KIAA1328: variants seen among roughly 807,000 people sequenced by gnomAD.
The protein encoded by KIAA1328 is KIAA1328, also known as protein hinderin.
KIAA1328 carries 52 observed loss-of-function variants against 68.1 expected under a neutral mutation model. The ratio of observed to expected loss-of-function variants is 0.76; its 90% CI spans 0.61 to 0.96. The LOEUF (loss-of-function observed/expected upper bound fraction) is 0.96, where lower values mean the gene tolerates loss of function less well. KIAA1328 is among the 40% of genes least tolerant of loss of function. The pLI is 0.00. For synonymous variants in KIAA1328, 232 were observed against 239.4 expected, an observed-to-expected ratio of 0.97 and a Z score of 0.28; for missense variants, 641 against 677.6, an observed-to-expected ratio of 0.95 and a Z score of 0.60.
intron 7 of KIAA1328, among the ~76,000 whole-genome samples, chr18:37,152,384 C>T (rs886586633): frequency 1.3e-5 from 2 of 152,076 alleles, no homozygotes; most frequent in Admixed American, 6.6e-5. Flanking sequence ...CCCCTGGTAT[C>T]GTCTCCAGAT....
intron 9 of KIAA1328, among the ~76,000 whole-genome samples, chr18:37,219,911 G>A (rs750067367): frequency 6.6e-6 from 1 of 152,084 alleles, no homozygotes; most frequent in Non-Finnish European, 1.5e-5. Flanking sequence ...CTTCTTTGTC[G>A]ATCACACTGG....
chr18:36,975,597 C>T (rs1347721954), intron 6 of KIAA1328, among the ~76,000 whole-genome samples: 10 of 152,166 alleles, frequency 6.6e-5, no homozygotes, highest in Non-Finnish European at 1.5e-4. Flanking sequence ...ACAGATAAAA[C>T]CTCAGAAAAT....
intron 6 of KIAA1328, among the ~76,000 whole-genome samples, chr18:37,007,680 TA>T (rs971709133): frequency 3.9e-4 from 60 of 152,188 alleles, no homozygotes; most frequent in African/African-American, 1.4e-3. Context: ...AGAATAGCAA[TA>T]AAACCTTCTA....
In KIAA1328 at chr18:36,849,593, A is replaced by C. The variant is rs2047145919; in HGVS notation, c.332+5291A>C. Among the ~76,000 whole-genome samples, 5 of 151,974 alleles carry C rather than the reference A, an allele frequency of 3.3e-5. 1 individual carries two copies. The South Asian group carries it at 1.0e-3, about 32-fold the overall frequency. The stretch of plus-strand genomic sequence containing the variant: ...GGCTGAGTAACAGTTCATTGTGTGG[A>C]TATGCCACATTTTGTTTATCCATTC... On this transcript the variant is annotated intron_variant, in intron 4 of 9. Transcript: ENST00000280020.
chr18:36,976,277 T>C (rs2052468315), intron 6 of KIAA1328, among the ~76,000 whole-genome samples: 1 of 152,220 alleles, frequency 6.6e-6, no homozygotes, highest in African/African-American at 2.4e-5. Context: ...TATGAGTTCC[T>C]ATAATGAATA....
At chr18:36,832,080 G>T (rs2046512409) in intron 1 of KIAA1328, among the ~76,000 whole-genome samples, 1 of 152,120 alleles carries the variant, frequency 6.6e-6, no homozygotes, top group Non-Finnish European at 1.5e-5. Flanking sequence ...TAATGTGTCT[G>T]TTTGACTTCC....
At chr18:37,075,844 T>A (rs1160792635) in intron 7 of KIAA1328, among the ~76,000 whole-genome samples, 8 of 152,100 alleles carry the variant, frequency 5.3e-5, no homozygotes, top group African/African-American at 7.2e-5. Flanking sequence ...AAGTCCTGAG[T>A]GACCTACAAA....
intron 4 of KIAA1328, among the ~76,000 whole-genome samples, chr18:36,851,770 A>AT (rs1370607917): frequency 3.5e-5 from 5 of 141,492 alleles, no homozygotes; most frequent in South Asian, 2.3e-4. Context: ...TATATATTGT[A>AT]TTTTTTTTAG....
At chr18:36,920,672 T>G (rs1305254635) in intron 5 of KIAA1328, among the ~76,000 whole-genome samples, 2 of 152,202 alleles carry the variant, frequency 1.3e-5, no homozygotes, top group Admixed American at 6.5e-5. Context: ...TCAAATATCT[T>G]GTGTATTACA....
chr18:37,041,676 G>A (rs1029265668), intron 6 of KIAA1328, among the ~76,000 whole-genome samples: 2 of 127,614 alleles, frequency 1.6e-5, no homozygotes, highest in Admixed American at 8.1e-5. Context: ...GTGTGTGTGT[G>A]TATACACATT....
intron 4 of KIAA1328, among the ~76,000 whole-genome samples, chr18:36,868,225 T>C (rs2047822524): frequency 6.6e-6 from 1 of 152,152 alleles, no homozygotes; most frequent in South Asian, 2.1e-4. Context: ...TGAGTTGATA[T>C]ATGGGTTTAA....
At chr18:36,941,981 A>G (rs377644795) in intron 5 of KIAA1328, among the ~76,000 whole-genome samples, 1 of 152,256 alleles carries the variant, frequency 6.6e-6, no homozygotes, top group African/African-American at 2.4e-5. Context: ...TATGTTATAA[A>G]GAAATTCATA....
intron 7 of KIAA1328, among the ~76,000 whole-genome samples, chr18:37,083,569 A>G (rs1352357920): frequency 6.6e-6 from 1 of 152,186 alleles, no homozygotes; most frequent in Non-Finnish European, 1.5e-5. Context: ...TTCCCTCCTC[A>G]GTACATGTCA....
chr18:36,962,601 C>G (rs754103179), intron 6 of KIAA1328, among the ~76,000 whole-genome samples: 1 of 152,144 alleles, frequency 6.6e-6, no homozygotes, highest in African/African-American at 2.4e-5. Flanking sequence ...TGTAACAGAA[C>G]AGAAATCACA....
chr18:36,973,166 C>T (rs943176110), intron 6 of KIAA1328, among the ~76,000 whole-genome samples: 1 of 152,234 alleles, frequency 6.6e-6, no homozygotes, highest in Non-Finnish European at 1.5e-5. Context: ...GAGTTCATGT[C>T]TTTTATGGGG....
At chr18:37,228,910 T>A (rs926070226), downstream of KIAA1328, among the ~76,000 whole-genome samples, 10 of 152,212 alleles carry the variant, frequency 6.6e-5, no homozygotes, top group African/African-American at 2.4e-4. Context: ...ATGTGTTGAT[T>A]GTTTTTAGTC....
At chr18:36,950,357 C>T (rs1232242823) in intron 5 of KIAA1328, among the ~76,000 whole-genome samples, 1 of 152,052 alleles carries the variant, frequency 6.6e-6, no homozygotes, top group Non-Finnish European at 1.5e-5. Flanking sequence ...TCAAAACCAA[C>T]GTGAAAATTC....
intron 7 of KIAA1328, among the ~76,000 whole-genome samples, chr18:37,149,233 G>C (rs1357489067): frequency 6.6e-6 from 1 of 152,090 alleles, no homozygotes; most frequent in East Asian, 1.9e-4. Context: ...CAATGGAACA[G>C]AATAGAAGAC....
chr18:37,085,615 G>C (rs1417789893), intron 7 of KIAA1328, among the ~76,000 whole-genome samples: 5 of 152,112 alleles, frequency 3.3e-5, no homozygotes, highest in Non-Finnish European at 5.9e-5. Context: ...GACTGTTTTA[G>C]ATGTTTCCTC....
Sources: gnomAD v4.1 joint callset for allele counts (sites outside exome capture counted in the v4.1 genomes callset) on GRCh38, gnomAD v4.1.1 for gene constraint, MANE v1.5 for transcripts, NCBI Gene and HGNC (gene_info 2026-07-23, HGNC 2026-07-21) for gene names.